SULT1C4: variants seen among roughly 807,000 people sequenced by gnomAD.
The protein encoded by SULT1C4 is sulfotransferase 1C4.
In SULT1C4, 32 loss-of-function variants were observed where a neutral mutation model predicts 34.8. The observed-to-expected ratio is 0.92, with a 90% confidence interval of 0.69 to 1.23. SULT1C4 has a LOEUF of 1.23. SULT1C4 is among the 50% of genes most tolerant of loss of function. The pLI is 0.00. For synonymous variants in SULT1C4, 111 were observed against 120.5 expected, an observed-to-expected ratio of 0.92 and a Z score of 0.51; for missense variants, 375 against 365.9, an observed-to-expected ratio of 1.02 and a Z score of -0.20.
intron 3 of SULT1C4, 169 bp downstream of exon 3, chr2:108,382,651 C>A: frequency 1.6e-6 from 1 of 606,476 alleles, no homozygotes; most frequent in Non-Finnish European, 2.9e-6. Flanking sequence ...TGCCTGTAAT[C>A]ACAGCATTTT....
chr2:108,381,892 G>A lies in SULT1C4; in HGVS notation c.295+5G>A. The A allele has an allele frequency of 1.3e-6, 2 of 1,482,158 alleles. No homozygotes were observed. Among genetic ancestry groups the A allele is most frequent in the South Asian group, 1.5e-5 (1 of 67,146 alleles). 91.8% of individuals were successfully genotyped at this position (1,482,158 alleles called of 1,614,324 possible). On this transcript the variant is annotated splice_donor_5th_base_variant and intron_variant, in intron 2 of 6. Coordinates refer to ENST00000272452, the MANE Select transcript of SULT1C4 (RefSeq NM_006588.4). ...AAATCCCATCCTTAGGATCTGGTGAGTATAAATAGCCACACTTCACTACAG... is the reference window on the plus strand; with the variant it reads ...AAATCCCATCCTTAGGATCTGGTGAATATAAATAGCCACACTTCACTACAG...
chr2:108,381,875 T>A lies in SULT1C4; in HGVS notation c.283T>A (p.Ser95Thr). Residue 95 changes from serine (S) to threonine (T), a missense_variant, in exon 2 of 7, where the codon TCC (serine) becomes ACC (threonine). Coordinates refer to ENST00000272452, the MANE Select transcript of SULT1C4 (RefSeq NM_006588.4). ...RFPFLEMKIPSLGSGLEQAHA... is the reference protein window; with the variant it reads ...RFPFLEMKIPTLGSGLEQAHA... ...TCCTTTCCTCGAAATGAAAATCCCA[T>A]CCTTAGGATCTGGTGAGTATAAATA... The A allele has an allele frequency of 6.7e-7, 1 of 1,484,734 alleles. No homozygotes were observed. The highest frequency in any genetic ancestry group is 8.9e-7 in the Non-Finnish European group (1 of 1,122,376). The allele number at this position is 1,484,734 out of a possible 1,614,324, so 92.0% of individuals were successfully genotyped here.
intron 1 of SULT1C4, among the ~76,000 whole-genome samples, chr2:108,381,402 C>T (rs774143065): frequency 3.3e-5 from 5 of 151,930 alleles, no homozygotes; most frequent in Non-Finnish European, 5.9e-5. Flanking sequence ...TTTAGGAGGC[C>T]GAGGCGAGCA....
At chr2:108,383,043 A>C (rs1558701484) in intron 3 of SULT1C4, 50 bp from the exon 4 acceptor site, 2 of 1,514,596 alleles carry the variant, frequency 1.3e-6, no homozygotes, top group Non-Finnish European at 8.8e-7. Flanking sequence ...AAAAAAAAAA[A>C]AATTCCTGTT....
At chr2:108,385,696 C>A (rs1314376749) in intron 5 of SULT1C4, among the ~76,000 whole-genome samples, 1 of 152,076 alleles carries the variant, frequency 6.6e-6, no homozygotes, top group Non-Finnish European at 1.5e-5. Flanking sequence ...ACTTGGTGGT[C>A]TGGTACCAGA....
intron 6 of SULT1C4, 55 bp from the exon 7 acceptor site, chr2:108,387,265 G>A (rs1174596429): frequency 7.5e-7 from 1 of 1,329,788 alleles, no homozygotes; most frequent in African/African-American, 1.5e-5. Context: ...GGAGAATAGG[G>A]AAGCACAGAC....
chr2:108,388,418 T>C lies in SULT1C4; in HGVS notation c.*986T>C, dbSNP rs1383188959. Among the ~76,000 whole-genome samples the C allele has an allele frequency of 1.3e-5, 2 of 152,236 alleles. No homozygotes were observed. Among genetic ancestry groups the C allele is most frequent in the East Asian group, 3.9e-4 (2 of 5,192 alleles). On this transcript the variant is annotated 3_prime_UTR_variant, in exon 7 of 7. Coordinates refer to ENST00000272452, the MANE Select transcript of SULT1C4 (RefSeq NM_006588.4). ...TTAATCTACGAAATCTCTTAAAATA[T>C]TTCCGTCTAACCATTCCTTGTTTTC...
In SULT1C4 at chr2:108,387,505, A is replaced by C; in HGVS notation, c.*73A>C. ...GGGTAATAATGAAAGTTTAATTCTCATAACAAATGATATCAGATTCCAGTT... is the reference window on the plus strand; with the variant it reads ...GGGTAATAATGAAAGTTTAATTCTCCTAACAAATGATATCAGATTCCAGTT... On this transcript the variant is annotated 3_prime_UTR_variant, in exon 7 of 7. Transcript: ENST00000272452. 23 of 883,724 alleles carry C rather than the reference A, an allele frequency of 2.6e-5. No homozygotes were observed. Among genetic ancestry groups the C allele is most frequent in the Non-Finnish European group, 3.7e-5 (21 of 566,710 alleles). The allele number at this position is 883,724 out of a possible 1,614,324, so 54.7% of individuals were successfully genotyped here.
rs1340740359 is a variant in SULT1C4, at chr2:108,378,176, G to C, written c.-162G>C. The C allele has an allele frequency of 1.0e-5, 6 of 589,048 alleles. No individual in the cohort carries two copies. The African/African-American group carries it at 1.2e-4, about 12-fold the overall frequency. 36.5% of individuals were successfully genotyped at this position (589,048 alleles called of 1,614,324 possible). On this transcript the variant is annotated 5_prime_UTR_variant, in exon 1 of 7. Coordinates refer to ENST00000272452, the MANE Select transcript of SULT1C4 (RefSeq NM_006588.4). ...CCCTGGAACCTGAGTCGGGAGGCCT[G>C]CAACTCACTTTCTCCCTGTTTGCTG...
At chr2:108,380,878 T>A (rs540018453) in intron 1 of SULT1C4, among the ~76,000 whole-genome samples, 1 of 152,308 alleles carries the variant, frequency 6.6e-6, no homozygotes, top group South Asian at 2.1e-4. Flanking sequence ...ACTGGAGGGA[T>A]CTAAATAGCC....
intron 3 of SULT1C4, chr2:108,382,800 G>A: frequency 2.8e-6 from 1 of 356,498 alleles, no homozygotes; most frequent in East Asian, 5.7e-5. Flanking sequence ...CTACTCAGGA[G>A]GCTGAGGCAG....
At chr2:108,383,885 CAG>C (rs2104346131) in intron 5 of SULT1C4, among the ~76,000 whole-genome samples, 1 of 148,730 alleles carries the variant, frequency 6.7e-6, no homozygotes, top group Non-Finnish European at 1.5e-5. Context: ...GTTTTTGAGA[CAG>C]AGGAGGAGTT....
chr2:108,378,714 A>G (rs991662713), intron 1 of SULT1C4, among the ~76,000 whole-genome samples: 1 of 147,056 alleles, frequency 6.8e-6, no homozygotes, highest in Non-Finnish European at 1.5e-5. Flanking sequence ...CTATGATACT[A>G]TGATGTACTT....
intron 3 of SULT1C4, 118 bp from the exon 4 acceptor site, chr2:108,382,975 T>G: frequency 1.1e-6 from 1 of 871,862 alleles, no homozygotes; most frequent in Non-Finnish European, 1.5e-6. Context: ...TCAGAAAAAA[T>G]GAACTGTATG....
intron 5 of SULT1C4, among the ~76,000 whole-genome samples, chr2:108,384,793 T>C (rs986696179): frequency 9.9e-5 from 15 of 152,148 alleles, no homozygotes; most frequent in African/African-American, 3.4e-4. Context: ...CAGAGATCTA[T>C]ACAGAATTAC....
intron 1 of SULT1C4, among the ~76,000 whole-genome samples, chr2:108,380,717 G>A (rs1452444808): frequency 1.3e-5 from 2 of 152,156 alleles, no homozygotes; most frequent in African/African-American, 4.8e-5. Context: ...TGGCCACAGT[G>A]GCAGTGGTTG....
chr2:108,378,454 G>C lies in SULT1C4; in HGVS notation c.117G>C (p.Trp39Cys). 2.5e-6 allele frequency: 4 copies of C among 1,614,182 alleles called. No individual in the cohort carries two copies. The highest frequency in any genetic ancestry group is 3.4e-6 in the Non-Finnish European group (4 of 1,180,028). ...TDTCDIWDKI[W>C]NFQAKPDDLL... The stretch of plus-strand genomic sequence containing the variant: ...CCTGTGACATCTGGGATAAGATCTG[G>C]AACTTCCAAGCCAAGCCTGATGACC... The change falls in exon 1 of 7, where the codon TGG (tryptophan) becomes TGC (cysteine). Residue 39 changes from tryptophan (W) to cysteine (C), a missense_variant. Coordinates refer to ENST00000272452, the MANE Select transcript of SULT1C4 (RefSeq NM_006588.4).
chr2:108,379,632 C>T (rs959505187), intron 1 of SULT1C4, among the ~76,000 whole-genome samples: 8 of 152,074 alleles, frequency 5.3e-5, no homozygotes, highest in African/African-American at 1.7e-4. Context: ...TCAAAAAGCA[C>T]ACTAAGAAAA....
intron 3 of SULT1C4, 166 bp from the exon 4 acceptor site, chr2:108,382,927 A>ATT: frequency 2.4e-6 from 1 of 414,426 alleles, no homozygotes; most frequent in East Asian, 5.0e-5. Flanking sequence ...AAAAAAAAAA[A>ATT]AAAAGTCTCC....
Sources: allele counts gnomAD v4.1 joint callset (sites outside exome capture counted in the v4.1 genomes callset), GRCh38; gene constraint gnomAD v4.1.1; transcripts MANE v1.5; gene names NCBI Gene and HGNC (gene_info 2026-07-23, HGNC 2026-07-21).